Variants in ATPAF1 observed in about 807,000 individuals in gnomAD.
ATPAF1 encodes the protein homolog of yeast ATP11.
ATPAF1 carries 26 observed loss-of-function variants against 43.9 expected under a neutral mutation model. That is an observed-to-expected ratio of 0.59 (90% CI 0.43 to 0.82). The LOEUF (loss-of-function observed/expected upper bound fraction) is 0.82. Ranked by LOEUF, ATPAF1 falls within the 40% of genes least tolerant of loss-of-function variation. ATPAF1 has a pLI of 0.00. For missense variants in ATPAF1, 366 were observed against 435.0 expected (o/e 0.84, Z 1.41); for synonymous variants, 157 against 168.0 (o/e 0.93, Z 0.50).
chr1:46,667,873 C>T (rs1676517543), intron 1 of ATPAF1, among the ~76,000 whole-genome samples, 184 bp downstream of exon 1: 1 of 152,216 alleles, frequency 6.6e-6, no homozygotes, highest in South Asian at 2.1e-4. Context: ...CAGAGACTCC[C>T]AGCTCTGACA....
chr1:46,639,499 T>G (rs527246857), intron 8 of ATPAF1, among the ~76,000 whole-genome samples: 15 of 152,240 alleles, frequency 9.9e-5, no homozygotes, highest in African/African-American at 3.4e-4. Flanking sequence ...AATGAAATCA[T>G]CTATTGACAT....
At position 46,641,960 on chromosome 1, in the gene ATPAF1, A is replaced by G. The variant is rs189884620; in HGVS notation, c.792+1234T>C. ...TATATCTCCAGCCTGGACTTCTCCC[A>G]TGAAGTCCAGGCTCATATATCTAAT... On this transcript the variant is annotated intron_variant, in intron 8 of 8. Transcript: ENST00000574428. Among the ~76,000 whole-genome samples, 7 of 152,250 alleles carry G rather than the reference A, an allele frequency of 4.6e-5. No individual in the cohort carries two copies. The East Asian group carries it at 1.2e-3, about 25-fold the overall frequency.
At position 46,668,087 on chromosome 1, in the gene ATPAF1, C is replaced by T; in HGVS notation, c.236G>A (p.Arg79His). ...CAGCAGCTGGATCTTGTCGCGGTAG[C>T]GGTCGTAGAAAGGGTTGGCCTGGAG... Residue 79 changes from arginine (R) to histidine (H), a missense_variant, in exon 1 of 9, where the codon CGC becomes CAC. Physicochemically the swap from Arg to His is conservative, Grantham distance 29. This residue lies in a region of ATPAF1 where 186 missense variants were observed against 168.5 expected (regional missense o/e 1.10). Transcript: ENST00000574428. This position sits in a 1 kb window ranked among gnomAD's most constrained non-coding sequence, Gnocchi z 4.4. 1 of 1,450,700 alleles carries T rather than the reference C, an allele frequency of 6.9e-7. No individual in the cohort carries two copies. The highest frequency in any genetic ancestry group is 3.0e-5 in the East Asian group (1 of 32,936). The allele number at this position is 1,450,700 out of a possible 1,614,324, so 89.9% of individuals were successfully genotyped here.
intron 1 of ATPAF1, 73 bp from the exon 2 acceptor site, chr1:46,665,437 C>T (rs1429545049): frequency 4.0e-6 from 6 of 1,482,792 alleles, no homozygotes; most frequent in Admixed American, 2.0e-5. Flanking sequence ...CATCACTTTC[C>T]ACCTCTACAG....
At chr1:46,657,518 A>T (rs932537650) in intron 4 of ATPAF1, among the ~76,000 whole-genome samples, 1 of 152,174 alleles carries the variant, frequency 6.6e-6, no homozygotes, top group Admixed American at 6.5e-5. Context: ...AAAAACATAA[A>T]TATAGCACTT....
intron 8 of ATPAF1, among the ~76,000 whole-genome samples, chr1:46,642,077 A>G (rs1675961502): frequency 6.6e-6 from 1 of 152,152 alleles, no homozygotes; most frequent in Non-Finnish European, 1.5e-5. Context: ...TCCTCCTGCA[A>G]TCTTGCCTAT....
intron 2 of ATPAF1, among the ~76,000 whole-genome samples, chr1:46,661,751 T>G (rs1230761834): frequency 6.6e-6 from 1 of 152,036 alleles, no homozygotes; most frequent in Non-Finnish European, 1.5e-5. Flanking sequence ...GACAAGACTG[T>G]GGGAATGGAA....
intron 6 of ATPAF1, among the ~76,000 whole-genome samples, chr1:46,649,157 CAAAAA>C (rs35432914): frequency 9.5e-6 from 1 of 104,740 alleles, no homozygotes; most frequent in Non-Finnish European, 1.9e-5. Context: ...AGCTCCGTCT[CAAAAA>C]AAAAAAAAAA....
Position 46,653,935 on chromosome 1 carries a change from G to T in ATPAF1, c.490-68C>A. ...TTTTCAACATGTGCCAAGAAATGGT[G>T]ACAGTTTTCATTGCTCAGAGGAATA... On this transcript the variant is annotated intron_variant, in intron 4 of 8. Coordinates refer to ENST00000574428, the Ensembl canonical transcript of ATPAF1. This position sits in a 1 kb window ranked among gnomAD's most constrained non-coding sequence, Gnocchi z 4.8. 6.8e-7 allele frequency: 1 copy of T among 1,472,166 alleles called. No homozygotes were observed. The highest frequency in any genetic ancestry group is 9.4e-7 in the Non-Finnish European group (1 of 1,060,268). The allele number at this position is 1,472,166 out of a possible 1,614,324, so 91.2% of individuals were successfully genotyped here. A position where few individuals can be genotyped will look rare whatever the true frequency, so the allele number is the denominator to read the frequency against.
At chr1:46,639,433 C>T (rs188264197) in intron 8 of ATPAF1, among the ~76,000 whole-genome samples, 216 of 152,296 alleles carry the variant, frequency 1.4e-3, no homozygotes, top group Admixed American at 5.5e-3. Context: ...GGGATATCAC[C>T]CCACTCTCTA....
chr1:46,647,254 T>C (rs1676060711), intron 6 of ATPAF1, among the ~76,000 whole-genome samples: 1 of 152,092 alleles, frequency 6.6e-6, no homozygotes, highest in Non-Finnish European at 1.5e-5. Context: ...GTCTGTCTGG[T>C]TGTGGTGTGG....
chr1:46,651,408 A>C (rs1384961765), intron 6 of ATPAF1, among the ~76,000 whole-genome samples: 1 of 152,100 alleles, frequency 6.6e-6, no homozygotes, highest in Non-Finnish European at 1.5e-5. Context: ...ATTGTTGGAC[A>C]TTTGGGTTGG....
chr1:46,662,391 C>A (rs1676406491), intron 2 of ATPAF1, among the ~76,000 whole-genome samples: 1 of 151,678 alleles, frequency 6.6e-6, no homozygotes, highest in South Asian at 2.1e-4. Context: ...AAGTTGTAAA[C>A]TCTATTTGTC....
Position 46,663,850 on chromosome 1 carries a change from C to T in ATPAF1, c.375+1406G>A, listed in dbSNP as rs923713437. 4 of 1,229,108 alleles carry T rather than the reference C, an allele frequency of 3.3e-6. No individual in the cohort carries two copies. The African/African-American group carries it at 4.7e-5, about 14-fold the overall frequency. 76.1% of individuals were successfully genotyped at this position (1,229,108 alleles called of 1,614,324 possible). ...GTAACTACCTTAATTCAGGCTTCTG[C>T]AGCCCACACCTGGATTACTCCATAT... On this transcript the variant is annotated intron_variant, in intron 2 of 8. Coordinates refer to ENST00000574428, the Ensembl canonical transcript of ATPAF1.
At chr1:46,638,912 G>A (rs570777806) in intron 8 of ATPAF1, among the ~76,000 whole-genome samples, 89 of 152,126 alleles carry the variant, frequency 5.9e-4, no homozygotes, top group African/African-American at 2.0e-3. Flanking sequence ...TACAATCAAC[G>A]CACCAAGTCC....
chr1:46,647,781 T>C (rs565645831), intron 6 of ATPAF1, among the ~76,000 whole-genome samples: 4 of 152,352 alleles, frequency 2.6e-5, no homozygotes, highest in African/African-American at 4.8e-5. Context: ...ACCGGCAGTA[T>C]AGGAGAGTTC....
chr1:46,654,501 C>A lies in ATPAF1; in HGVS notation c.490-634G>T, dbSNP rs146738770. ...TTCTCACACTGCTAATAAAGATATA[C>A]CTGAGACTGGGCAATTTATTTATTT... is the stretch of plus-strand genomic sequence containing the variant. On this transcript the variant is annotated intron_variant, in intron 4 of 8. Coordinates refer to ENST00000574428, the Ensembl canonical transcript of ATPAF1. Among the ~76,000 whole-genome samples, 943 of 147,842 alleles carry A rather than the reference C, an allele frequency of 6.4e-3. 8 individuals are homozygous for A. Among genetic ancestry groups the A allele is most frequent in the African/African-American group, 0.017 (684 of 39,250 alleles).
chr1:46,668,412 C>G (rs1270188790), upstream of ATPAF1: 1 of 1,179,304 alleles, frequency 8.5e-7, no homozygotes, highest in Non-Finnish European at 1.0e-6. This position sits in a 1 kb window ranked among gnomAD's most constrained non-coding sequence, Gnocchi z 4.4. Flanking sequence ...GTGCGCCGCG[C>G]CCGCGCTCCG....
chr1:46,663,609 T>C (rs976058551), intron 2 of ATPAF1, among the ~76,000 whole-genome samples: 8 of 149,610 alleles, frequency 5.3e-5, no homozygotes, highest in Admixed American at 1.4e-4. Context: ...TCGTATCCTT[T>C]GTCCACTTTT....
Sources: allele counts gnomAD v4.1 joint callset (sites outside exome capture counted in the v4.1 genomes callset), GRCh38; gene constraint gnomAD v4.1.1; regional missense constraint gnomAD v4.1.1; non-coding constraint Gnocchi (gnomAD v3.1); transcripts MANE v1.5; gene names NCBI Gene and HGNC (gene_info 2026-07-23, HGNC 2026-07-21).